HYAL2: variants seen among roughly 807,000 people sequenced by gnomAD.
HYAL2 encodes the protein hyaluronidase-2.
In HYAL2, 30 loss-of-function variants were observed where a neutral mutation model predicts 35.4. The observed-to-expected ratio is 0.85, with a 90% CI of 0.63 to 1.15. The LOEUF (loss-of-function observed/expected upper bound fraction) is 1.15, where lower values mean the gene tolerates loss of function less well. Among genes scored for constraint, HYAL2 ranks in the 50% most tolerant of loss-of-function variants. The probability of loss-of-function intolerance (pLI) is 0.00; values close to 1 mark genes in which losing one functional copy is unlikely to be tolerated. For missense variants in HYAL2, 635 were observed against 646.5 expected, an observed-to-expected ratio of 0.98 and a Z score of 0.19; for synonymous variants, 262 against 252.8, an observed-to-expected ratio of 1.04 and a Z score of -0.34.
At position 50,318,823 on chromosome 3, in the gene HYAL2, C is replaced by A; in HGVS notation, c.1011+133G>T. On this transcript the variant is annotated intron_variant, in intron 3 of 3. Coordinates refer to ENST00000357750, the MANE Select transcript of HYAL2 (RefSeq NM_003773.5). This position sits in a 1 kb window ranked among gnomAD's most constrained non-coding sequence, Gnocchi z 4.5. Reference sequence around the variant, plus strand: ...GGGCCGGGGTGACCTCCTCCTGTTGCCACCAGGGATGCCTCGGGTGGGAGA... The same window carrying A: ...GGGCCGGGGTGACCTCCTCCTGTTGACACCAGGGATGCCTCGGGTGGGAGA... 1 of 819,130 alleles carries A rather than the reference C, an allele frequency of 1.2e-6. No individual in the cohort carries two copies. Among genetic ancestry groups the A allele is most frequent in the Admixed American group, 2.0e-5 (1 of 51,254 alleles). 50.7% of individuals were successfully genotyped at this position (819,130 alleles called of 1,614,324 possible). A position where few individuals can be genotyped will look rare whatever the true frequency, so the allele number is the denominator to read the frequency against.
rs1237920888 is a variant in HYAL2, at chr3:50,318,951, C to CT, written c.1011+4dup. The CT allele has an allele frequency of 6.2e-7, 1 of 1,613,118 alleles. No homozygotes were observed. Among genetic ancestry groups the CT allele is most frequent in the Non-Finnish European group, 8.5e-7 (1 of 1,179,436 alleles). Reference sequence around the variant, plus strand: ...CTGAGCTCTGGCAGGCTGGGTCTCGCTTACCGTGCTTGTGGTGTACCCCGC... The same window carrying CT: ...CTGAGCTCTGGCAGGCTGGGTCTCGCTTTACCGTGCTTGTGGTGTACCCCGC... On this transcript the variant is annotated splice_donor_region_variant and intron_variant, in intron 3 of 3. Coordinates refer to ENST00000357750, the MANE Select transcript of HYAL2 (RefSeq NM_003773.5). The surrounding 1 kb of genome is among the most constrained non-coding windows in gnomAD (Gnocchi z 4.5).
chr3:50,319,848 A>G lies in HYAL2; in HGVS notation c.642T>C (p.His214=). ...AGCTCTCCCAGTTCTGCACATAATC[A>G]TGATTGTAGCAGTCAGGAAAGAGGT... ...GFYLFPDCYN[H]DYVQNWESYT... The change falls in exon 2 of 4, where the codon CAT becomes CAC. Residue 214 remains histidine (H), a synonymous_variant. Coordinates refer to ENST00000357750, the MANE Select transcript of HYAL2 (RefSeq NM_003773.5). 6.2e-7 allele frequency: 1 copy of G among 1,613,760 alleles called. No individual in the cohort carries two copies. Among genetic ancestry groups the G allele is most frequent in the Non-Finnish European group, 8.5e-7 (1 of 1,180,030 alleles).
Position 50,318,472 on chromosome 3 carries a change from C to T in HYAL2, c.1079G>A (p.Trp360Ter). The T allele has an allele frequency of 6.2e-7, 1 of 1,613,022 alleles. No homozygotes were observed. The highest frequency in any genetic ancestry group is 8.5e-7 in the Non-Finnish European group (1 of 1,179,940). ...GGCCCGGCTGCAATATTGGGTGGCC[C>T]AGGACACATTGACCACGTAGGGGAC... ...LLVPYVVNVS[W>*]ATQYCSRAQC... is the part of the protein sequence containing the mutation. Residue 360 changes from tryptophan (W) to a stop codon, truncating the protein, a stop_gained, in exon 4 of 4, where the codon TGG (tryptophan) becomes TAG (stop). Coordinates refer to ENST00000357750, the MANE Select transcript of HYAL2 (RefSeq NM_003773.5). LOFTEE classifies it high-confidence loss of function. The surrounding 1 kb of genome is among the most constrained non-coding windows in gnomAD (Gnocchi z 4.5).
Position 50,318,125 on chromosome 3 carries a change from A to T in HYAL2, c.*4T>A, listed in dbSNP as rs1702596323. On this transcript the variant is annotated 3_prime_UTR_variant, in exon 4 of 4. Coordinates refer to ENST00000357750, the MANE Select transcript of HYAL2 (RefSeq NM_003773.5). The surrounding 1 kb of genome is among the most constrained non-coding windows in gnomAD (Gnocchi z 4.5). ...AGCTTGCTAGGCAGCTAGGCAGGAG[A>T]CCCCTACAAGGTCCAGGTAAAGGCC... 2 of 1,545,092 alleles carry T rather than the reference A, an allele frequency of 1.3e-6. No homozygotes were observed. Among genetic ancestry groups the T allele is most frequent in the Non-Finnish European group, 1.7e-6 (2 of 1,144,406 alleles).
chr3:50,319,520 G>A (rs964001533), intron 2 of HYAL2, 49 bp downstream of exon 2: 1 of 1,518,738 alleles, frequency 6.6e-7, no homozygotes, highest in South Asian at 1.2e-5. Context: ...CAAATGTGCA[G>A]TGGATCCTCA....
chr3:50,319,627 A>G lies in HYAL2; in HGVS notation c.863T>C (p.Leu288Pro). The G allele has an allele frequency of 2.5e-6, 4 of 1,613,802 alleles. No homozygotes were observed. Among genetic ancestry groups the G allele is most frequent in the Non-Finnish European group, 2.5e-6 (3 of 1,180,006 alleles). Residue 288 changes from leucine (L) to proline (P), a missense_variant, in exon 2 of 4, where the codon CTC (leucine) becomes CCC (proline). Coordinates refer to ENST00000357750, the MANE Select transcript of HYAL2 (RefSeq NM_003773.5). ...VARTHHANHA[L>P]PVYVFTRPTY... ...GGGTCGTGTGAAGACGTAGACTGGG[A>G]GTGCATGGTTGGCATGGTGGGTGCG...
chr3:50,317,914 C>T lies in HYAL2; in HGVS notation c.*215G>A, dbSNP rs1702591939. ...CAGGTCCTCCCCAGCCCAGCTGTAC[C>T]CTCCTTCCCCTCTGGCAGGGAGAGA... On this transcript the variant is annotated 3_prime_UTR_variant, in exon 4 of 4. Coordinates refer to ENST00000357750, the MANE Select transcript of HYAL2 (RefSeq NM_003773.5). The T allele has an allele frequency of 3.9e-6, 2 of 513,776 alleles. No homozygotes were observed. Among genetic ancestry groups the T allele is most frequent in the African/African-American group, 2.0e-5 (1 of 51,192 alleles). 31.8% of individuals were successfully genotyped at this position (513,776 alleles called of 1,614,324 possible). A position where few individuals can be genotyped will look rare whatever the true frequency, so the allele number is the denominator to read the frequency against.
chr3:50,320,018 G>A lies in HYAL2; in HGVS notation c.472C>T (p.Leu158=). The part of the protein sequence containing the change: ...KDVYRRLSRQ[L]VASRHPDWPP... ...CAGTCAGGGTGACGACTGGCCACTA[G>A]CTGGCGTGATAACCGGCGATACACA... is the stretch of plus-strand genomic sequence containing the variant. Residue 158 remains leucine, a synonymous_variant, in exon 2 of 4, where the codon CTA becomes TTA. Transcript: ENST00000357750. This position sits in a 1 kb window ranked among gnomAD's most constrained non-coding sequence, Gnocchi z 4.8. 1.2e-6 allele frequency: 2 copies of A among 1,613,354 alleles called. No homozygotes were observed. Among genetic ancestry groups the A allele is most frequent in the Non-Finnish European group, 1.7e-6 (2 of 1,180,042 alleles).
Position 50,318,377 on chromosome 3 carries a change from T to C in HYAL2, c.1174A>G (p.Asn392Asp). 1 of 1,613,360 alleles carries C rather than the reference T, an allele frequency of 6.2e-7. No homozygotes were observed. Among genetic ancestry groups the C allele is most frequent in the Non-Finnish European group, 8.5e-7 (1 of 1,180,036 alleles). Residue 392 changes from asparagine (N) to aspartate (D), a missense_variant, in exon 4 of 4, where the codon AAC becomes GAC. Transcript: ENST00000357750. This position sits in a 1 kb window ranked among gnomAD's most constrained non-coding sequence, Gnocchi z 4.5. ...TGGCCAGGCACTAGGCGGAAACTGT[T>C]GGTGCTGAGATGCAGGAAGGTACTG... ...SASTFLHLST[N>D]SFRLVPGHAP...
In HYAL2 at chr3:50,319,969, T is replaced by A; in HGVS notation, c.521A>T (p.Gln174Leu). 1 of 1,613,522 alleles carries A rather than the reference T, an allele frequency of 6.2e-7. No homozygotes were observed. The highest frequency in any genetic ancestry group is 8.5e-7 in the Non-Finnish European group (1 of 1,180,034). Reference sequence around the variant, plus strand: ...TGCGAACTCAAACTCATATTGTGCCTGTTTGACTATGCGGTCTGGAGGCCA... The same window carrying A: ...TGCGAACTCAAACTCATATTGTGCCAGTTTGACTATGCGGTCTGGAGGCCA... ...PDWPPDRIVK[Q>L]AQYEFEFAAQ... The change falls in exon 2 of 4, where the codon CAG (glutamine) becomes CTG (leucine). Residue 174 changes from glutamine (Q) to leucine (L), a missense_variant. Physicochemically the swap from Gln to Leu is moderately radical, Grantham distance 113 (BLOSUM62 -2). Transcript: ENST00000357750.
rs1467888142 is a variant in HYAL2 at position 50,320,794 on chromosome 3, T to C, written c.-46-259A>G. ...TTAGGTCTGTGACCCTTCTAAGAACTAGATAATTTGGGCTCACCAGAGTCA... is the reference window on the plus strand; with the variant it reads ...TTAGGTCTGTGACCCTTCTAAGAACCAGATAATTTGGGCTCACCAGAGTCA... On this transcript the variant is annotated intron_variant, in intron 1 of 3. Transcript: ENST00000357750. This position sits in a 1 kb window ranked among gnomAD's most constrained non-coding sequence, Gnocchi z 4.8. 1 of 373,024 alleles carries C rather than the reference T, an allele frequency of 2.7e-6. No homozygotes were observed. The highest frequency in any genetic ancestry group is 2.1e-5 in the African/African-American group (1 of 48,408). The allele number at this position is 373,024 out of a possible 1,614,324, so 23.1% of individuals were successfully genotyped here.
chr3:50,322,030 G>C lies in HYAL2; in HGVS notation c.-47+623C>G, dbSNP rs1702711082. On this transcript the variant is annotated intron_variant, in intron 1 of 3. Transcript: ENST00000357750. The surrounding 1 kb of genome is among the most constrained non-coding windows in gnomAD (Gnocchi z 5.5). ...GTGCCCCGCCTCCCACGAATCAGGG[G>C]CCCCCTTCTCTGGTCCGCCGTCTAA... 2.0e-5 allele frequency: 3 copies of C among 152,090 alleles called. No homozygotes were observed. Among genetic ancestry groups the C allele is most frequent in the Admixed American group, 2.0e-4 (3 of 15,280 alleles). The allele number at this position is 152,090 out of a possible 1,614,324, so 9.4% of individuals were successfully genotyped here. A position where few individuals can be genotyped will look rare whatever the true frequency, so the allele number is the denominator to read the frequency against.
In HYAL2 at chr3:50,319,895, G is replaced by A; in HGVS notation, c.595C>T (p.Pro199Ser). The part of the protein sequence containing the change: ...ETLRYVKAVR[P>S]RHLWGFYLFP... ...AGGTAGAAGCCCCAGAGGTGCCGGGGCCGCACTGCCTTGACATAACGCAGT... is the reference window on the plus strand; with the variant it reads ...AGGTAGAAGCCCCAGAGGTGCCGGGACCGCACTGCCTTGACATAACGCAGT... The change falls in exon 2 of 4, where the codon CCC becomes TCC. Residue 199 changes from proline to serine, a missense_variant. Physicochemically the swap from Pro to Ser is moderately conservative, Grantham distance 74. Transcript: ENST00000357750. 1 of 1,613,686 alleles carries A rather than the reference G, an allele frequency of 6.2e-7. No individual in the cohort carries two copies. Among genetic ancestry groups the A allele is most frequent in the Non-Finnish European group, 8.5e-7 (1 of 1,180,034 alleles).
rs1553716861 is a variant in HYAL2 at position 50,322,313 on chromosome 3, TC to T, written c.-47+339del. 1 of 151,890 alleles carries T rather than the reference TC, an allele frequency of 6.6e-6. No individual in the cohort carries two copies. The highest frequency in any genetic ancestry group is 1.5e-5 in the Non-Finnish European group (1 of 67,964). The allele number at this position is 151,890 out of a possible 1,614,324, so 9.4% of individuals were successfully genotyped here. On this transcript the variant is annotated intron_variant, in intron 1 of 3. Coordinates refer to ENST00000357750, the MANE Select transcript of HYAL2 (RefSeq NM_003773.5). This position sits in a 1 kb window ranked among gnomAD's most constrained non-coding sequence, Gnocchi z 5.5. ...CTCTGAGGTCCTTTGGGAGCCCGGC[TC>T]CCTCTCAACCCCGAGGAGGCCTCCA...
Position 50,320,424 on chromosome 3 carries a change from C to T in HYAL2, c.66G>A (p.Glu22=), listed in dbSNP as rs587651461. 1.1e-5 allele frequency: 18 copies of T among 1,599,742 alleles called. No homozygotes were observed. The Admixed American group carries it at 1.4e-4, about 12-fold the overall frequency. ...ALVLAVSWAM[E]LKPTAPPIFT... is the part of the protein sequence containing the mutation. ...AGATGGGTGGTGCTGTGGGCTTGAG[C>T]TCCATGGCCCATGACACCGCCAGCA... Residue 22 remains glutamate (E), a synonymous_variant, in exon 2 of 4, where the codon GAG becomes GAA. Coordinates refer to ENST00000357750, the MANE Select transcript of HYAL2 (RefSeq NM_003773.5). The surrounding 1 kb of genome is among the most constrained non-coding windows in gnomAD (Gnocchi z 4.8).
At chr3:50,321,413 G>C (rs1167837004) in intron 1 of HYAL2, 1 of 152,162 alleles carries the variant, frequency 6.6e-6, no homozygotes. Context: ...CCGCCATCCC[G>C]GGCCCAGCCC....
Position 50,317,922 on chromosome 3 carries a change from C to T in HYAL2, c.*207G>A. 1.9e-6 allele frequency: 1 copy of T among 524,944 alleles called. No homozygotes were observed. The highest frequency in any genetic ancestry group is 3.4e-6 in the Non-Finnish European group (1 of 295,514). 32.5% of individuals were successfully genotyped at this position (524,944 alleles called of 1,614,324 possible). On this transcript the variant is annotated 3_prime_UTR_variant, in exon 4 of 4. Transcript: ENST00000357750. ...CCCCAGCCCAGCTGTACCCTCCTTC[C>T]CCTCTGGCAGGGAGAGAAGGGGCCT...
Position 50,320,115 on chromosome 3 carries a change from C to T in HYAL2, c.375G>A (p.Glu125=). 6.2e-7 allele frequency: 1 copy of T among 1,613,850 alleles called. No individual in the cohort carries two copies. Among genetic ancestry groups the T allele is most frequent in the Non-Finnish European group, 8.5e-7 (1 of 1,180,052 alleles). ...AGTCGATGACCGCCAGCCCCGCAGA[C>T]TCCTGTGTCCGAATGTAGTGCTCCA... ...KRVEHYIRTQ[E]SAGLAVIDWE... The change falls in exon 2 of 4, where the codon GAG becomes GAA. Residue 125 remains glutamate (E), a synonymous_variant. Transcript: ENST00000357750. The surrounding 1 kb of genome is among the most constrained non-coding windows in gnomAD (Gnocchi z 4.8).
chr3:50,320,142 A>G lies in HYAL2; in HGVS notation c.348T>C (p.Arg116=). The G allele has an allele frequency of 6.2e-7, 1 of 1,613,848 alleles. No homozygotes were observed. Among genetic ancestry groups the G allele is most frequent in the Non-Finnish European group, 8.5e-7 (1 of 1,180,042 alleles). The change falls in exon 2 of 4, where the codon CGT becomes CGC. Residue 116 remains arginine (R), a synonymous_variant. Coordinates refer to ENST00000357750, the MANE Select transcript of HYAL2 (RefSeq NM_003773.5). The surrounding 1 kb of genome is among the most constrained non-coding windows in gnomAD (Gnocchi z 4.8). ...CCTGTGTCCGAATGTAGTGCTCCACACGTTTCTGCAGCATCTTCCGGTGTG... is the reference window on the plus strand; with the variant it reads ...CCTGTGTCCGAATGTAGTGCTCCACGCGTTTCTGCAGCATCTTCCGGTGTG... ...LWAHRKMLQK[R]VEHYIRTQES...
Sources: allele counts gnomAD v4.1 joint callset, GRCh38; gene constraint gnomAD v4.1.1; non-coding constraint Gnocchi (gnomAD v3.1); transcripts MANE v1.5; gene names NCBI Gene and HGNC (gene_info 2026-07-23, HGNC 2026-07-21).